Variants in STK32B observed in about 807,000 individuals in gnomAD.
STK32B encodes serine/threonine kinase 32B, also known as serine/threonine-protein kinase 32B.
Under a neutral mutation model 52.6 loss-of-function variants are expected in STK32B, and 43 were observed. That is an observed-to-expected ratio of 0.82 (90% CI 0.64 to 1.05). STK32B has a LOEUF of 1.05. STK32B is among the 50% of genes least tolerant of loss of function. STK32B has a pLI of 0.00. For missense variants in STK32B, 621 were observed against 534.6 expected, an observed-to-expected ratio of 1.16 and a Z score of -1.59; for synonymous variants, 238 against 204.3, an observed-to-expected ratio of 1.17 and a Z score of -1.41.
At chr4:5,176,165 G>T (rs1719870456) in intron 3 of STK32B, among the ~76,000 whole-genome samples, 1 of 152,226 alleles carries the variant, frequency 6.6e-6, no homozygotes, top group African/African-American at 2.4e-5. Context: ...TAGTATTAGG[G>T]TGGGAGTGAC....
chr4:5,230,053 C>T (rs925722990), intron 3 of STK32B, among the ~76,000 whole-genome samples: 11 of 151,784 alleles, frequency 7.2e-5, no homozygotes, highest in Non-Finnish European at 1.5e-4. Context: ...AGTGCAATGG[C>T]GTGATCTTGG....
intron 3 of STK32B, among the ~76,000 whole-genome samples, chr4:5,311,069 G>A (rs1730261036): frequency 6.6e-6 from 1 of 152,074 alleles, no homozygotes; most frequent in African/African-American, 2.4e-5. Flanking sequence ...CATGGAGGGA[G>A]GATAGCCAAA....
intron 3 of STK32B, among the ~76,000 whole-genome samples, chr4:5,303,224 T>A (rs1333511502): frequency 2.6e-5 from 4 of 152,128 alleles, no homozygotes; most frequent in Non-Finnish European, 5.9e-5. Context: ...GATCAAATGG[T>A]AGATCTGCTT....
At chr4:5,095,327 C>T (rs571299078) in intron 1 of STK32B, among the ~76,000 whole-genome samples, 4 of 152,148 alleles carry the variant, frequency 2.6e-5, no homozygotes, top group South Asian at 2.1e-4. Context: ...AAAAATGTAA[C>T]GGAGAGGCCA....
intron 3 of STK32B, among the ~76,000 whole-genome samples, chr4:5,296,376 A>G (rs1232301000): frequency 6.6e-6 from 1 of 152,148 alleles, no homozygotes; most frequent in Non-Finnish European, 1.5e-5. Context: ...AAAGTCTTCC[A>G]CTGTTATTGT....
intron 3 of STK32B, among the ~76,000 whole-genome samples, chr4:5,330,421 A>G (rs539173498): frequency 6.6e-6 from 1 of 152,290 alleles, no homozygotes; most frequent in Non-Finnish European, 1.5e-5. Context: ...TACTGTATCA[A>G]TTTTCTACTG....
chr4:5,240,915 C>A (rs73797145), intron 3 of STK32B, among the ~76,000 whole-genome samples: 5,939 of 152,240 alleles, frequency 0.039, 173 homozygotes, highest in African/African-American at 0.087. Context: ...CTTTGTCTAT[C>A]CTTCTATCAA....
intron 4 of STK32B, among the ~76,000 whole-genome samples, chr4:5,391,389 C>T (rs957247921): frequency 2.6e-5 from 4 of 152,172 alleles, no homozygotes; most frequent in African/African-American, 4.8e-5. Flanking sequence ...CTGGCAAAGA[C>T]GCTATTTGCT....
intron 4 of STK32B, among the ~76,000 whole-genome samples, chr4:5,366,728 C>A (rs1235326074): frequency 6.6e-6 from 1 of 152,204 alleles, no homozygotes; most frequent in Non-Finnish European, 1.5e-5. Flanking sequence ...AAATCCTGAC[C>A]TTGTCTTTGT....
chr4:5,178,906 A>G (rs1008727407), intron 3 of STK32B, among the ~76,000 whole-genome samples: 8 of 152,102 alleles, frequency 5.3e-5, no homozygotes, highest in African/African-American at 1.9e-4. Context: ...GAGCCCTCCA[A>G]TCTGTTGCAA....
intron 3 of STK32B, among the ~76,000 whole-genome samples, chr4:5,179,499 A>G (rs569079599): frequency 2.8e-5 from 4 of 144,810 alleles, no homozygotes; most frequent in Non-Finnish European, 6.3e-5. Flanking sequence ...TGATAGACAA[A>G]TGATAGATGA....
At chr4:5,346,762 A>G (rs1431711903) in intron 4 of STK32B, among the ~76,000 whole-genome samples, 1 of 151,678 alleles carries the variant, frequency 6.6e-6, no homozygotes, top group East Asian at 1.9e-4. Flanking sequence ...AGTGTCAGTC[A>G]CTGTATTAGT....
At chr4:5,113,504 A>G (rs911934559) in intron 1 of STK32B, among the ~76,000 whole-genome samples, 11 of 151,802 alleles carry the variant, frequency 7.2e-5, no homozygotes, top group Non-Finnish European at 1.3e-4. Context: ...TCGTGTTATA[A>G]GCTATTAAGG....
chr4:5,303,782 A>G (rs61627957), intron 3 of STK32B, among the ~76,000 whole-genome samples: 4,382 of 152,144 alleles, frequency 0.029, 190 homozygotes, highest in African/African-American at 0.095. Flanking sequence ...GGATTTTCCA[A>G]TGTTTTCTTC....
At chr4:5,241,480 A>T (rs936174051) in intron 3 of STK32B, among the ~76,000 whole-genome samples, 1 of 152,330 alleles carries the variant, frequency 6.6e-6, no homozygotes, top group East Asian at 1.9e-4. Flanking sequence ...TGTTGAGCCA[A>T]GATCATGCAG....
chr4:5,086,794 CA>C (rs1712757021), intron 1 of STK32B, among the ~76,000 whole-genome samples: 1 of 152,178 alleles, frequency 6.6e-6, no homozygotes, highest in South Asian at 2.1e-4. Context: ...ATGACATACT[CA>C]AAGTGCTGAA....
In STK32B at chr4:5,089,192, A is replaced by G. The variant is rs140237852; in HGVS notation, c.52+37277A>G. Reference sequence around the variant, plus strand: ...TATGCCAATAAATTAGATAACCAAGATCTAATAGACAAATTTCTTTTTTTT... The same window carrying G: ...TATGCCAATAAATTAGATAACCAAGGTCTAATAGACAAATTTCTTTTTTTT... On this transcript the variant is annotated intron_variant, in intron 1 of 11. Coordinates refer to ENST00000282908, the MANE Select transcript of STK32B (RefSeq NM_018401.3). Among the ~76,000 whole-genome samples, 973 of 151,834 alleles carry G rather than the reference A, an allele frequency of 6.4e-3. 9 individuals carry two copies. Among genetic ancestry groups the G allele is most frequent in the African/African-American group, 0.022 (893 of 41,458 alleles).
At chr4:5,148,401 G>A (rs1717088061) in intron 2 of STK32B, among the ~76,000 whole-genome samples, 1 of 151,668 alleles carries the variant, frequency 6.6e-6, no homozygotes, top group Non-Finnish European at 1.5e-5. Flanking sequence ...TCTAAGGACT[G>A]CTTAAGTTAC....
chr4:5,140,830 C>T (rs1716388786), intron 2 of STK32B, among the ~76,000 whole-genome samples: 1 of 152,176 alleles, frequency 6.6e-6, no homozygotes, highest in Admixed American at 6.5e-5. Flanking sequence ...CTGTACCAGG[C>T]ACTATTTTAG....
Sources: gnomAD v4.1 joint callset for allele counts (sites outside exome capture counted in the v4.1 genomes callset) on GRCh38, gnomAD v4.1.1 for gene constraint, MANE v1.5 for transcripts, NCBI Gene and HGNC (gene_info 2026-07-23, HGNC 2026-07-21) for gene names.